RFNG: variants seen among roughly 807,000 people sequenced by gnomAD.
The protein encoded by RFNG is RFNG O-fucosylpeptide 3-beta-N-acetylglucosaminyltransferase.
A neutral mutation model predicts 29.6 loss-of-function variants in RFNG; 37 were observed. That is an observed-to-expected ratio of 1.25 (90% CI 0.96 to 1.65). The LOEUF is 1.65. RFNG is among the 40% of genes most tolerant of loss of function. The pLI, the probability that RFNG is intolerant of heterozygous loss-of-function variation, is 0.00. For missense variants in RFNG, 546 were observed against 457.0 expected (o/e 1.19, Z -1.78); for synonymous variants, 276 against 197.3 (o/e 1.40, Z -3.34).
rs200003708 is a variant in RFNG at position 82,049,965 on chromosome 17, C to T, written c.615G>A (p.Gly205=). The stretch of plus-strand genomic sequence containing the variant: ...GGGCAAGGCCTCTGCTGAGGCAGAA[C>T]CCGGCCCCACCAGTAGCAAACCAGA... ...VKFWFATGGA[G]FCLSRGLALK... The change falls in exon 5 of 8, where the codon GGG becomes GGA. Residue 205 remains glycine, a synonymous_variant. Coordinates refer to ENST00000310496, the MANE Select transcript of RFNG (RefSeq NM_002917.2). 2.6e-5 allele frequency: 42 copies of T among 1,612,420 alleles called. No individual in the cohort carries two copies. The highest frequency in any genetic ancestry group is 4.0e-5 in the African/African-American group (3 of 74,920).
Position 82,051,255 on chromosome 17 carries a change from G to C in RFNG, c.316+39C>G. ...GCTTCGGAGCGAGAAAGGCTCGGGG[G>C]GCAGATCCCGCGGGCGCCGGGGAGT... On this transcript the variant is annotated intron_variant, in intron 2 of 7. Transcript: ENST00000310496. The surrounding 1 kb of genome is among the most constrained non-coding windows in gnomAD (Gnocchi z 4.1). 7.4e-7 allele frequency: 1 copy of C among 1,344,736 alleles called. No homozygotes were observed. The highest frequency in any genetic ancestry group is 9.6e-7 in the Non-Finnish European group (1 of 1,045,214). 83.3% of individuals were successfully genotyped at this position (1,344,736 alleles called of 1,614,324 possible). A position where few individuals can be genotyped will look rare whatever the true frequency, so the allele number is the denominator to read the frequency against.
rs1311025809 is a variant in RFNG at position 82,048,381 on chromosome 17, C to T, written c.*345G>A. On this transcript the variant is annotated 3_prime_UTR_variant, in exon 8 of 8. Coordinates refer to ENST00000310496, the MANE Select transcript of RFNG (RefSeq NM_002917.2). The stretch of plus-strand genomic sequence containing the variant: ...TGACACCCAGCCAGCCTAGCACCCG[C>T]CTTCAGCAACAGGTAATGGAGCCCG... 3 of 322,598 alleles carry T rather than the reference C, an allele frequency of 9.3e-6. No individual in the cohort carries two copies. 20.0% of individuals were successfully genotyped at this position (322,598 alleles called of 1,614,324 possible). A position where few individuals can be genotyped will look rare whatever the true frequency, so the allele number is the denominator to read the frequency against.
chr17:82,049,518 G>C (rs532684703), intron 6 of RFNG, 159 bp downstream of exon 6: 2 of 849,096 alleles, frequency 2.4e-6, no homozygotes, highest in East Asian at 2.6e-5. Context: ...AGGACCCTGT[G>C]TCCAACAGGC....
chr17:82,051,499 C>T lies in RFNG; in HGVS notation c.267+1G>A. The T allele has an allele frequency of 1.5e-6, 2 of 1,378,128 alleles. No homozygotes were observed. The highest frequency in any genetic ancestry group is 1.9e-6 in the Non-Finnish European group (2 of 1,062,932). The allele number at this position is 1,378,128 out of a possible 1,614,324, so 85.4% of individuals were successfully genotyped here. The stretch of plus-strand genomic sequence containing the variant: ...GCCGTCGGGGTCGGGGTCCGGCGCA[C>T]CTGCTGGCGGGCCCGGGAGATCCAG... On this transcript the variant is annotated splice_donor_variant, in intron 1 of 7. Coordinates refer to ENST00000310496, the MANE Select transcript of RFNG (RefSeq NM_002917.2). LOFTEE classifies it high-confidence loss of function. The surrounding 1 kb of genome is among the most constrained non-coding windows in gnomAD (Gnocchi z 4.1).
Position 82,049,992 on chromosome 17 carries a change from C to T in RFNG, c.588G>A (p.Lys196=), listed in dbSNP as rs147282261. The T allele has an allele frequency of 4.6e-3, 7,419 of 1,611,462 alleles. 21 individuals carry two copies. The highest frequency in any genetic ancestry group is 5.8e-3 in the Non-Finnish European group (6,860 of 1,179,132). The part of the protein sequence containing the change: ...VQGGRTVTTV[K]FWFATGGAGF... ...CGGCCCCACCAGTAGCAAACCAGAACTTGACCGTGGTCACCTGAAGATGGG... is the reference window on the plus strand; with the variant it reads ...CGGCCCCACCAGTAGCAAACCAGAATTTGACCGTGGTCACCTGAAGATGGG... Residue 196 remains lysine (K), a synonymous_variant, in exon 5 of 8, where the codon AAG becomes AAA. Coordinates refer to ENST00000310496, the MANE Select transcript of RFNG (RefSeq NM_002917.2).
rs944296145 is a variant in RFNG, at chr17:82,048,017, T to G, written c.*709A>C. On this transcript the variant is annotated 3_prime_UTR_variant, in exon 8 of 8. Coordinates refer to ENST00000310496, the MANE Select transcript of RFNG (RefSeq NM_002917.2). ...GGAAGGCACCAGGCGGGGAGGTGGG[T>G]CTGCTGGGATGGGCAGGTCAGCGGA... 5 of 152,172 alleles carry G rather than the reference T, an allele frequency of 3.3e-5. No homozygotes were observed. The highest frequency in any genetic ancestry group is 1.2e-4 in the African/African-American group (5 of 41,364). 9.4% of individuals were successfully genotyped at this position (152,172 alleles called of 1,614,324 possible). A position where few individuals can be genotyped will look rare whatever the true frequency, so the allele number is the denominator to read the frequency against.
chr17:82,050,962 T>C (rs1157283692), intron 2 of RFNG, 198 bp from the exon 3 acceptor site: 1 of 1,427,700 alleles, frequency 7.0e-7, no homozygotes, highest in African/African-American at 1.4e-5. Flanking sequence ...CAGGCGGCCA[T>C]CGGTTGGGAT....
chr17:82,048,833 G>C (rs374884083), intron 7 of RFNG, 26 bp from the exon 8 acceptor site: 10 of 1,595,242 alleles, frequency 6.3e-6, no homozygotes, highest in Non-Finnish European at 8.6e-6. Context: ...GTAGGGGTCA[G>C]GGCCGTGGGC....
Position 82,049,234 on chromosome 17 carries a change from G to A in RFNG, c.829-118C>T, listed in dbSNP as rs1598466803. On this transcript the variant is annotated intron_variant, in intron 6 of 7. Coordinates refer to ENST00000310496, the MANE Select transcript of RFNG (RefSeq NM_002917.2). The stretch of plus-strand genomic sequence containing the variant: ...CCACCCCCTCTCCCCAGGCCCTCGG[G>A]GAGGCCAGGCTTGGAAACAGCATTG... 1.5e-5 allele frequency: 12 copies of A among 821,474 alleles called. No individual in the cohort carries two copies. The East Asian group carries it at 2.9e-4, about 20-fold the overall frequency. The allele number at this position is 821,474 out of a possible 1,614,324, so 50.9% of individuals were successfully genotyped here.
chr17:82,050,806 C>T, intron 2 of RFNG, 42 bp from the exon 3 acceptor site: 3 of 1,592,712 alleles, frequency 1.9e-6, no homozygotes, highest in Non-Finnish European at 2.6e-6. Flanking sequence ...GAGGATGGCA[C>T]TGGGGTTGGG....
Position 82,051,145 on chromosome 17 carries a change from C to G in RFNG, c.316+149G>C. The stretch of plus-strand genomic sequence containing the variant: ...GCTGGCAGGGTGGGCCCTCCGCAGG[C>G]CGCGTGACCTGGGCAGCGTCGGGGC... On this transcript the variant is annotated intron_variant, in intron 2 of 7. Transcript: ENST00000310496. The surrounding 1 kb of genome is among the most constrained non-coding windows in gnomAD (Gnocchi z 4.1). 2.3e-6 allele frequency: 3 copies of G among 1,314,426 alleles called. No individual in the cohort carries two copies. Among genetic ancestry groups the G allele is most frequent in the Non-Finnish European group, 2.9e-6 (3 of 1,033,548 alleles). The allele number at this position is 1,314,426 out of a possible 1,614,324, so 81.4% of individuals were successfully genotyped here.
chr17:82,049,617 T>A, intron 6 of RFNG, 60 bp downstream of exon 6: 4 of 1,464,868 alleles, frequency 2.7e-6, no homozygotes, highest in South Asian at 1.4e-5. Context: ...GTGGGGCCCC[T>A]GGGGGAGTCA....
At position 82,048,420 on chromosome 17, in the gene RFNG, T is replaced by C; in HGVS notation, c.*306A>G. 1 of 416,572 alleles carries C rather than the reference T, an allele frequency of 2.4e-6. No individual in the cohort carries two copies. Among genetic ancestry groups the C allele is most frequent in the East Asian group, 4.8e-5 (1 of 20,852 alleles). The allele number at this position is 416,572 out of a possible 1,614,324, so 25.8% of individuals were successfully genotyped here. The stretch of plus-strand genomic sequence containing the variant: ...TAATGGAGCCCGGATGGCAGCTCCC[T>C]CCCAGGTGCGCAAGTGCTGGGGTGG... On this transcript the variant is annotated 3_prime_UTR_variant, in exon 8 of 8. Coordinates refer to ENST00000310496, the MANE Select transcript of RFNG (RefSeq NM_002917.2).
Position 82,049,929 on chromosome 17 carries a change from G to A in RFNG, c.651C>T (p.Ser217=). ...CLSRGLALKM[S]PWASLGSFMS... ...GGACCCCCACTCACCTGGCCCATGG[G>A]CTCATCTTGAGGGCAAGGCCTCTGC... The change falls in exon 5 of 8, where the codon AGC becomes AGT. Residue 217 remains serine (S), a synonymous_variant. Coordinates refer to ENST00000310496, the MANE Select transcript of RFNG (RefSeq NM_002917.2). 1 of 1,612,266 alleles carries A rather than the reference G, an allele frequency of 6.2e-7. No homozygotes were observed. The highest frequency in any genetic ancestry group is 8.5e-7 in the Non-Finnish European group (1 of 1,179,714).
intron 2 of RFNG, chr17:82,050,996 G>A (rs926666501): frequency 1.5e-5 from 21 of 1,421,170 alleles, no homozygotes; most frequent in Admixed American, 3.0e-5. Context: ...ACAGGACGGA[G>A]GCAGCTCGCC....
intron 6 of RFNG, chr17:82,049,326 G>A: frequency 1.4e-6 from 1 of 701,336 alleles, no homozygotes; most frequent in Non-Finnish European, 2.6e-6. Flanking sequence ...ATAGGGATCT[G>A]AAACCTCCAG....
chr17:82,050,118 G>C (rs920386647), intron 4 of RFNG, 112 bp from the exon 5 acceptor site: 2 of 987,528 alleles, frequency 2.0e-6, no homozygotes, highest in Non-Finnish European at 3.1e-6. Flanking sequence ...ATCCCACCCA[G>C]GTAACAGAAG....
chr17:82,048,617 T>A lies in RFNG; in HGVS notation c.*109A>T. 1.2e-6 allele frequency: 1 copy of A among 855,716 alleles called. No individual in the cohort carries two copies. The highest frequency in any genetic ancestry group is 1.9e-6 in the Non-Finnish European group (1 of 515,074). The allele number at this position is 855,716 out of a possible 1,614,324, so 53.0% of individuals were successfully genotyped here. On this transcript the variant is annotated 3_prime_UTR_variant, in exon 8 of 8. Transcript: ENST00000310496. ...CCAGAGGGTCTGCCAGGTGCCTGCATCTCACTGGTGTGGCCGTGGCACCTG... is the reference window on the plus strand; with the variant it reads ...CCAGAGGGTCTGCCAGGTGCCTGCAACTCACTGGTGTGGCCGTGGCACCTG...
rs1568027622 is a variant in RFNG at position 82,048,315 on chromosome 17, G to A, written c.*411C>T. 4.4e-6 allele frequency: 1 copy of A among 227,166 alleles called. No homozygotes were observed. The highest frequency in any genetic ancestry group is 8.9e-6 in the Non-Finnish European group (1 of 112,570). The allele number at this position is 227,166 out of a possible 1,614,324, so 14.1% of individuals were successfully genotyped here. On this transcript the variant is annotated 3_prime_UTR_variant, in exon 8 of 8. Coordinates refer to ENST00000310496, the MANE Select transcript of RFNG (RefSeq NM_002917.2). ...GCCTGCCAGGCTGAGCCCTTGCAAT[G>A]GCCGTGGCTGGGCCAGGACCTTGGC...
Sources: allele counts gnomAD v4.1 joint callset, GRCh38; gene constraint gnomAD v4.1.1; non-coding constraint Gnocchi (gnomAD v3.1); transcripts MANE v1.5; gene names NCBI Gene and HGNC (gene_info 2026-07-23, HGNC 2026-07-21).